SNX29: variants seen among roughly 807,000 people sequenced by gnomAD.
The protein encoded by SNX29 is sorting nexin 29, also known as sorting nexin-29.
A neutral mutation model predicts 102.1 loss-of-function variants in SNX29; 78 were observed. The ratio of observed to expected loss-of-function variants is 0.76; its 90% CI spans 0.64 to 0.92. The LOEUF is 0.92. Ranked by LOEUF, SNX29 falls within the 40% of genes least tolerant of loss-of-function variation. The pLI is 0.00. For missense variants in SNX29, 1,280 were observed against 1,061.7 expected, an observed-to-expected ratio of 1.21 and a Z score of -2.86; for synonymous variants, 580 against 414.5, an observed-to-expected ratio of 1.40 and a Z score of -4.85.
intron 20 of SNX29, among the ~76,000 whole-genome samples, chr16:12,536,693 G>C (rs949284824): frequency 2.0e-5 from 3 of 152,186 alleles, no homozygotes; most frequent in Non-Finnish European, 2.9e-5. Flanking sequence ...GAGGTGTTCA[G>C]GGGGCTGGAC....
chr16:12,352,371 TG>T (rs1406510679), intron 15 of SNX29, among the ~76,000 whole-genome samples: 1 of 129,370 alleles, frequency 7.7e-6, no homozygotes, highest in Non-Finnish European at 1.6e-5. Flanking sequence ...TGTTGTGCGG[TG>T]GGGGAAGGGG....
chr16:12,222,812 G>A (rs984141279), intron 14 of SNX29, among the ~76,000 whole-genome samples: 4 of 152,044 alleles, frequency 2.6e-5, no homozygotes, highest in Non-Finnish European at 4.4e-5. Context: ...CAGGTGATCC[G>A]CCCACCTCAG....
At chr16:12,115,704 A>G (rs1262504433) in intron 11 of SNX29, among the ~76,000 whole-genome samples, 3 of 152,336 alleles carry the variant, frequency 2.0e-5, no homozygotes, top group African/African-American at 7.2e-5. Flanking sequence ...ATCTGGAGCC[A>G]TCTAATTAAC....
chr16:12,028,454 A>G lies in SNX29; in HGVS notation c.247+1010A>G, dbSNP rs147026289. Among the ~76,000 whole-genome samples the G allele has an allele frequency of 1.3e-3, 198 of 152,046 alleles. No individual in the cohort carries two copies. In the Middle Eastern group the frequency reaches 0.014, roughly 11 times the overall value. On this transcript the variant is annotated intron_variant, in intron 4 of 20. Coordinates refer to ENST00000566228, the MANE Select transcript of SNX29 (RefSeq NM_032167.5). ...TCATGGCTCACCAAAGCCTGGAACT[A>G]CTAGGCTCAAGTGATCCCCTTGCCT...
chr16:12,166,804 G>T (rs970328011), intron 13 of SNX29, among the ~76,000 whole-genome samples: 1 of 152,232 alleles, frequency 6.6e-6, no homozygotes, highest in African/African-American at 2.4e-5. Flanking sequence ...CTTTCATTCA[G>T]TGCTTCCAGC....
At chr16:12,408,688 G>A (rs181289764) in intron 18 of SNX29, among the ~76,000 whole-genome samples, 401 of 152,294 alleles carry the variant, frequency 2.6e-3, no homozygotes, top group African/African-American at 9.2e-3. Flanking sequence ...GGGCATGGTG[G>A]CACACGCTGT....
At chr16:12,326,329 CT>C (rs35321885) in intron 15 of SNX29, among the ~76,000 whole-genome samples, 26 of 141,664 alleles carry the variant, frequency 1.8e-4, no homozygotes, top group African/African-American at 6.7e-4. Context: ...GCTTTTTTGT[CT>C]TTTTTTTTTT....
intron 19 of SNX29, among the ~76,000 whole-genome samples, chr16:12,490,518 T>C (rs2088493563): frequency 6.6e-6 from 1 of 152,262 alleles, no homozygotes; most frequent in East Asian, 1.9e-4. Flanking sequence ...AATTCTTACA[T>C]ACTTCTTCTG....
At chr16:12,433,277 T>C (rs1208692728) in intron 18 of SNX29, among the ~76,000 whole-genome samples, 1 of 152,156 alleles carries the variant, frequency 6.6e-6, no homozygotes, top group Non-Finnish European at 1.5e-5. Flanking sequence ...CTTCTTCCTC[T>C]GCCTTAACGT....
Position 12,147,208 on chromosome 16 carries a change from CCAAA to C in SNX29, c.1595+17453_1595+17456del, listed in dbSNP as rs201180773. Among the ~76,000 whole-genome samples the C allele has an allele frequency of 6.1e-4, 93 of 152,306 alleles. No individual in the cohort carries two copies. In the East Asian group the frequency reaches 0.018, roughly 29 times the overall value. On this transcript the variant is annotated intron_variant, in intron 13 of 20. Coordinates refer to ENST00000566228, the MANE Select transcript of SNX29 (RefSeq NM_032167.5). ...CCAGATGTTCCCTGAAAAATCTGCA[CCAAA>C]CACAGACTTGGGCAGTTCATCAAGA...
At chr16:12,511,483 C>T (rs1382566645) in intron 19 of SNX29, among the ~76,000 whole-genome samples, 1 of 152,156 alleles carries the variant, frequency 6.6e-6, no homozygotes, top group Non-Finnish European at 1.5e-5. Flanking sequence ...GATAAAGGTC[C>T]TATTATTGTT....
chr16:12,499,503 G>T (rs970076867), intron 19 of SNX29, among the ~76,000 whole-genome samples: 1 of 152,144 alleles, frequency 6.6e-6, no homozygotes, highest in Non-Finnish European at 1.5e-5. Context: ...ACATAGCTCT[G>T]CACTGGTCAG....
At chr16:12,048,644 G>T in intron 7 of SNX29, 24 bp downstream of exon 7, 2 of 1,613,952 alleles carry the variant, frequency 1.2e-6, no homozygotes, top group Non-Finnish European at 1.7e-6. Context: ...GGTGCTCGAG[G>T]CGGAGCAGAG....
chr16:12,444,888 G>T (rs1261440718), intron 18 of SNX29, among the ~76,000 whole-genome samples: 4 of 139,814 alleles, frequency 2.9e-5, no homozygotes, highest in Non-Finnish European at 6.0e-5. Flanking sequence ...CAGAGTCTCA[G>T]TCATCCAGGC....
intron 14 of SNX29, among the ~76,000 whole-genome samples, chr16:12,231,680 G>GC (rs2077775661): frequency 6.6e-6 from 1 of 152,196 alleles, no homozygotes; most frequent in African/African-American, 2.4e-5. Flanking sequence ...TGAATGAAGT[G>GC]CTAAGGTTTT....
chr16:12,131,817 A>G (rs1449241315), intron 13 of SNX29, among the ~76,000 whole-genome samples: 2 of 152,172 alleles, frequency 1.3e-5, no homozygotes, highest in Non-Finnish European at 2.9e-5. Flanking sequence ...TGTATGTCTT[A>G]TTGAATGTTG....
intron 20 of SNX29, among the ~76,000 whole-genome samples, chr16:12,530,785 A>G (rs570256708): frequency 1.3e-5 from 2 of 152,224 alleles, no homozygotes; most frequent in South Asian, 2.1e-4. Flanking sequence ...CAAACTCCTG[A>G]CCTCCAGTGA....
At chr16:12,276,736 T>A (rs913226456) in intron 14 of SNX29, among the ~76,000 whole-genome samples, 19 of 152,368 alleles carry the variant, frequency 1.2e-4, no homozygotes, top group Non-Finnish European at 1.8e-4. Context: ...TCTTGTTTTC[T>A]GCTTTTCTTG....
chr16:12,144,982 A>C (rs2141535782), intron 13 of SNX29, among the ~76,000 whole-genome samples: 1 of 152,270 alleles, frequency 6.6e-6, no homozygotes, highest in East Asian at 1.9e-4. Context: ...CGGCCTCCCA[A>C]AGTGCTGGGA....
Sources: allele counts gnomAD v4.1 joint callset (sites outside exome capture counted in the v4.1 genomes callset), GRCh38; gene constraint gnomAD v4.1.1; transcripts MANE v1.5; gene names NCBI Gene and HGNC (gene_info 2026-07-23, HGNC 2026-07-21).